Variants in DNAJC5G observed in about 807,000 individuals in gnomAD.
DNAJC5G encodes DnaJ heat shock protein family (Hsp40) member C5 gamma, also known as dnaJ homolog subfamily C member 5G.
DNAJC5G carries 13 observed loss-of-function variants against 19.1 expected under a neutral mutation model. That is an observed-to-expected ratio of 0.68 (90% CI 0.44 to 1.08). The LOEUF (loss-of-function observed/expected upper bound fraction) is 1.08, where lower values mean the gene tolerates loss of function less well. Ranked by LOEUF, DNAJC5G falls within the 50% of genes least tolerant of loss-of-function variation. DNAJC5G has a pLI of 0.00. For missense variants in DNAJC5G, 245 were observed against 230.4 expected (o/e 1.06, Z -0.41); for synonymous variants, 81 against 84.4 (o/e 0.96, Z 0.22).
chr2:27,275,866 A>ACCCCCCCCCCCCCCCCCCCCCCCCCCCCC (rs1572502161), intron 1 of DNAJC5G: 1 of 93,184 alleles, frequency 1.1e-5, no homozygotes, highest in African/African-American at 4.2e-5. Flanking sequence ...AGCACTCCCC[A>ACCCCCCCCCCCCCCCCCCCCCCCCCCCCC]CCCCCGCCCC....
Position 27,277,818 on chromosome 2 carries a change from T to C in DNAJC5G, c.178T>C (p.Tyr60His). 1 of 1,614,130 alleles carries C rather than the reference T, an allele frequency of 6.2e-7. No homozygotes were observed. The highest frequency in any genetic ancestry group is 8.5e-7 in the Non-Finnish European group (1 of 1,180,042). The change falls in exon 4 of 7, where the codon TAT becomes CAT. Residue 60 changes from tyrosine (Y) to histidine (H), a missense_variant. Coordinates refer to ENST00000296097, the MANE Select transcript of DNAJC5G (RefSeq NM_173650.3). ...CCTGGGTAGGAAACTGGCCTTGCGG[T>C]ATCATCCCGACAAGAATCCAGGGAA... ...YHLGRKLALR[Y>H]HPDKNPGNAQ... is the part of the protein sequence containing the mutation.
At chr2:27,277,350 C>T (rs972127114) in intron 3 of DNAJC5G, among the ~76,000 whole-genome samples, 2 of 152,068 alleles carry the variant, frequency 1.3e-5, no homozygotes, top group Non-Finnish European at 2.9e-5. Context: ...GCAACCTCCA[C>T]CTTCCGGGTT....
At chr2:27,279,069 G>A (rs910758344) in intron 5 of DNAJC5G, among the ~76,000 whole-genome samples, 8 of 151,684 alleles carry the variant, frequency 5.3e-5, no homozygotes, top group African/African-American at 1.9e-4. Context: ...GAAAATGGCA[G>A]GTTAATCCCT....
At position 27,278,281 on chromosome 2, in the gene DNAJC5G, G is replaced by T. The variant is rs181668842; in HGVS notation, c.469G>T (p.Asp157Tyr). 1 of 1,614,190 alleles carries T rather than the reference G, an allele frequency of 6.2e-7. No individual in the cohort carries two copies. The highest frequency in any genetic ancestry group is 2.2e-5 in the East Asian group (1 of 44,886). ...AGCACTTAAACCACCACCTGAGCAGGATAGTGGGAGAAAATATCAGCAGAA... is the reference window on the plus strand; with the variant it reads ...AGCACTTAAACCACCACCTGAGCAGTATAGTGGGAGAAAATATCAGCAGAA... Reference protein sequence around the residue: ...CGALKPPPEQDSGRKYQQNVQ... With the variant: ...CGALKPPPEQYSGRKYQQNVQ... Residue 157 changes from aspartate (D) to tyrosine (Y), a missense_variant, in exon 5 of 7, where the codon GAT becomes TAT. Transcript: ENST00000296097.
chr2:27,280,368 C>T, intron 6 of DNAJC5G, 61 bp from the exon 7 acceptor site: 1 of 756,170 alleles, frequency 1.3e-6, no homozygotes, highest in Non-Finnish European at 2.2e-6. Context: ...TAGGGGTTTG[C>T]TTTAAGTTCT....
At chr2:27,279,019 AAAAG>A (rs1358969360) in intron 5 of DNAJC5G, among the ~76,000 whole-genome samples, 7 of 151,856 alleles carry the variant, frequency 4.6e-5, no homozygotes, top group African/African-American at 7.3e-5. Flanking sequence ...AAAAAAAAAA[AAAAG>A]AAAGAAAGAA....
In DNAJC5G at chr2:27,280,434, G is replaced by T; in HGVS notation, c.*24G>T. 1.9e-6 allele frequency: 1 copy of T among 526,744 alleles called. No individual in the cohort carries two copies. Among genetic ancestry groups the T allele is most frequent in the Non-Finnish European group, 3.4e-6 (1 of 293,076 alleles). 32.6% of individuals were successfully genotyped at this position (526,744 alleles called of 1,614,324 possible). ...CCACCTTCTTCCGCCACTAGGTGCT[G>T]ACCCAGTGAGGGTGCCTTCTGCTGC... On this transcript the variant is annotated 3_prime_UTR_variant, in exon 7 of 7. Transcript: ENST00000296097.
intron 5 of DNAJC5G, 115 bp from the exon 6 acceptor site, chr2:27,280,051 C>A: frequency 1.1e-6 from 1 of 933,224 alleles, no homozygotes; most frequent in Middle Eastern, 2.5e-4. Flanking sequence ...AACTTGACAC[C>A]AGCGCCACCT....
At chr2:27,276,992 AG>A in intron 3 of DNAJC5G, 151 bp downstream of exon 3, 1 of 683,342 alleles carries the variant, frequency 1.5e-6, no homozygotes, top group South Asian at 2.1e-5. Flanking sequence ...GACTATTGAG[AG>A]TGCAGTGGCA....
At chr2:27,280,322 C>T in intron 6 of DNAJC5G, 89 bp downstream of exon 6, 1 of 1,085,008 alleles carries the variant, frequency 9.2e-7, no homozygotes, top group South Asian at 1.3e-5. Flanking sequence ...AGTTTACATC[C>T]TTATAGTATG....
intron 3 of DNAJC5G, among the ~76,000 whole-genome samples, chr2:27,277,334 C>T (rs1375314202): frequency 2.6e-5 from 4 of 152,026 alleles, no homozygotes. Context: ...GCAGTCTCGG[C>T]TCACTGCAAC....
Position 27,277,980 on chromosome 2 carries a change from A to C in DNAJC5G, c.340A>C (p.Arg114=). The C allele has an allele frequency of 1.2e-6, 2 of 1,614,238 alleles. No individual in the cohort carries two copies. Among genetic ancestry groups the C allele is most frequent in the Non-Finnish European group, 1.7e-6 (2 of 1,180,042 alleles). ...LYDHFGEEGV[R]YYFILNSCWF... ...TGATCACTTTGGTGAAGAAGGCGTCAGATACTATTTTATTCTGAATAGTTG... is the reference window on the plus strand; with the variant it reads ...TGATCACTTTGGTGAAGAAGGCGTCCGATACTATTTTATTCTGAATAGTTG... Residue 114 remains arginine (R), a synonymous_variant, in exon 4 of 7, where the codon AGA becomes CGA. Coordinates refer to ENST00000296097, the MANE Select transcript of DNAJC5G (RefSeq NM_173650.3).
At chr2:27,278,961 T>C (rs1057144962) in intron 5 of DNAJC5G, among the ~76,000 whole-genome samples, 1 of 139,098 alleles carries the variant, frequency 7.2e-6, no homozygotes, top group African/African-American at 2.7e-5. Flanking sequence ...GCCAAGATCA[T>C]GCCACTGCAC....
intron 5 of DNAJC5G, 102 bp downstream of exon 5, chr2:27,278,434 A>G: frequency 2.0e-6 from 3 of 1,503,564 alleles, no homozygotes; most frequent in South Asian, 1.3e-5. Context: ...TAATCCCAGC[A>G]CTTTGGGAGG....
At chr2:27,280,033 G>A in intron 5 of DNAJC5G, 133 bp from the exon 6 acceptor site, 1 of 770,432 alleles carries the variant, frequency 1.3e-6, no homozygotes, top group Non-Finnish European at 2.2e-6. Context: ...ACTTTTATAA[G>A]CTGATTGAAC....
Position 27,280,243 on chromosome 2 carries a change from C to A in DNAJC5G, c.*18+10C>A, listed in dbSNP as rs1281163049. 2 of 1,610,292 alleles carry A rather than the reference C, an allele frequency of 1.2e-6. No individual in the cohort carries two copies. Among genetic ancestry groups the A allele is most frequent in the Non-Finnish European group, 1.7e-6 (2 of 1,176,642 alleles). On this transcript the variant is annotated intron_variant, in intron 6 of 6. Coordinates refer to ENST00000296097, the MANE Select transcript of DNAJC5G (RefSeq NM_173650.3). ...GATGAAGAAGGATGAGGTATGTAAACCGAAAGGCAGCAACAGTTATCAGAT... is the reference window on the plus strand; with the variant it reads ...GATGAAGAAGGATGAGGTATGTAAAACGAAAGGCAGCAACAGTTATCAGAT...
At chr2:27,278,094 C>T in intron 4 of DNAJC5G, 79 bp downstream of exon 4, 1 of 1,607,174 alleles carries the variant, frequency 6.2e-7, no homozygotes, top group South Asian at 1.1e-5. Context: ...CTTCTGTTGT[C>T]TCATTTTCTG....
intron 5 of DNAJC5G, among the ~76,000 whole-genome samples, 172 bp from the exon 6 acceptor site, chr2:27,279,994 A>G (rs1678295581): frequency 1.3e-5 from 2 of 151,938 alleles, no homozygotes; most frequent in African/African-American, 4.8e-5. Context: ...AAAGAAAAGG[A>G]AAGTCTGAGA....
chr2:27,277,846 C>T lies in DNAJC5G; in HGVS notation c.206C>T (p.Ala69Val). The T allele has an allele frequency of 1.2e-6, 2 of 1,614,184 alleles. No individual in the cohort carries two copies. The highest frequency in any genetic ancestry group is 1.3e-5 in the African/African-American group (1 of 75,038). ...RYHPDKNPGN[A>V]QAAEIFKEIN... ...CATCCCGACAAGAATCCAGGGAATGCTCAAGCAGCAGAAATATTCAAAGAG... is the reference window on the plus strand; with the variant it reads ...CATCCCGACAAGAATCCAGGGAATGTTCAAGCAGCAGAAATATTCAAAGAG... Residue 69 changes from alanine to valine, a missense_variant, in exon 4 of 7, where the codon GCT becomes GTT. By Grantham distance (64) the Ala-to-Val change is moderately conservative (BLOSUM62 0). Transcript: ENST00000296097.
Sources: allele counts gnomAD v4.1 joint callset (sites outside exome capture counted in the v4.1 genomes callset), GRCh38; gene constraint gnomAD v4.1.1; transcripts MANE v1.5; gene names NCBI Gene and HGNC (gene_info 2026-07-23, HGNC 2026-07-21).